The following TUBA1C variants were observed in gnomAD, a reference collection of about 807,000 sequenced individuals.
TUBA1C encodes the protein tubulin alpha 1c.
In TUBA1C, 16 loss-of-function variants were observed where a neutral mutation model predicts 34.9. The observed-to-expected ratio is 0.46, with a 90% CI of 0.31 to 0.70. The LOEUF (loss-of-function observed/expected upper bound fraction) is 0.70, where lower values mean the gene tolerates loss of function less well. Among genes scored for constraint, TUBA1C ranks in the 30% least tolerant of loss-of-function variants. TUBA1C has a pLI of 0.05. For synonymous variants in TUBA1C, 177 were observed against 215.9 expected (o/e 0.82, Z 1.58); for missense variants, 329 against 587.3 (o/e 0.56, Z 4.55).
At chr12:49,266,180 C>T (rs572916171) in intron 1 of TUBA1C, among the ~76,000 whole-genome samples, 2 of 149,400 alleles carry the variant, frequency 1.3e-5, no homozygotes, top group Non-Finnish European at 3.0e-5. Context: ...AATCCCAGCA[C>T]TTTGGGAGGC....
chr12:49,229,367 T>C (rs1830994788), intron 1 of TUBA1C, among the ~76,000 whole-genome samples: 1 of 152,166 alleles, frequency 6.6e-6, no homozygotes, highest in South Asian at 2.1e-4. Flanking sequence ...GAGACAGGGT[T>C]TCACCATCTT....
chr12:49,258,820 A>T (rs1044401567), intron 1 of TUBA1C, among the ~76,000 whole-genome samples: 1 of 146,032 alleles, frequency 6.8e-6, no homozygotes, highest in African/African-American at 2.5e-5. Context: ...GCAATGGCAC[A>T]CTCTCGGCTC....
At chr12:49,262,447 A>AT (rs1942850912), upstream of TUBA1C, among the ~76,000 whole-genome samples, 1 of 149,358 alleles carries the variant, frequency 6.7e-6, no homozygotes, top group Non-Finnish European at 1.5e-5. Context: ...AAAAAAAAAA[A>AT]GGCTGATCAC....
chr12:49,251,964 A>G (rs981010223), intron 1 of TUBA1C, among the ~76,000 whole-genome samples: 5 of 152,152 alleles, frequency 3.3e-5, no homozygotes, highest in African/African-American at 1.2e-4. Flanking sequence ...TAAAAACTCA[A>G]CGAACTAGGA....
At chr12:49,229,784 T>A (rs900431501) in intron 1 of TUBA1C, among the ~76,000 whole-genome samples, 1 of 152,054 alleles carries the variant, frequency 6.6e-6, no homozygotes, top group Non-Finnish European at 1.5e-5. Context: ...TTTTTCTTTT[T>A]AAATTTATTT....
At chr12:49,250,392 C>T (rs1053397216) in intron 1 of TUBA1C, among the ~76,000 whole-genome samples, 6 of 151,418 alleles carry the variant, frequency 4.0e-5, no homozygotes, top group African/African-American at 1.5e-4. Context: ...GGCATGGTGG[C>T]GGGCACCTGT....
intron 1 of TUBA1C, among the ~76,000 whole-genome samples, chr12:49,230,175 C>G (rs750333113): frequency 1.3e-5 from 2 of 151,336 alleles, no homozygotes; most frequent in Non-Finnish European, 2.9e-5. Context: ...CTATTTAACT[C>G]TTACATAGCA....
upstream of TUBA1C, among the ~76,000 whole-genome samples, chr12:49,263,403 C>T (rs17123645): frequency 0.021 from 3,249 of 152,178 alleles, 115 homozygotes; most frequent in African/African-American, 0.073. Flanking sequence ...GTTTTGCTCA[C>T]AAACATATTC....
chr12:49,242,954 G>A (rs1942632300), intron 1 of TUBA1C, among the ~76,000 whole-genome samples: 1 of 151,222 alleles, frequency 6.6e-6, no homozygotes, highest in African/African-American at 2.4e-5. Flanking sequence ...ACAGGCGCAT[G>A]CACCACCACA....
intron 2 of TUBA1C, 41 bp from the exon 3 acceptor site, chr12:49,269,787 G>A (rs373715461): frequency 3.8e-5 from 61 of 1,610,778 alleles, no homozygotes; most frequent in Non-Finnish European, 4.5e-5. Flanking sequence ...CTCCCTCCCC[G>A]CTCCTTGTCC....
At chr12:49,265,899 A>G (rs957470354) in intron 1 of TUBA1C, among the ~76,000 whole-genome samples, 1 of 151,238 alleles carries the variant, frequency 6.6e-6, no homozygotes, top group African/African-American at 2.4e-5. Flanking sequence ...TCACGCCTGT[A>G]ATCCCAGCAC....
intron 1 of TUBA1C, among the ~76,000 whole-genome samples, chr12:49,254,236 G>A (rs371011301): frequency 1.3e-5 from 2 of 152,112 alleles, no homozygotes; most frequent in Non-Finnish European, 2.9e-5. Context: ...GCTTGAACCC[G>A]GGAGCTGGAG....
chr12:49,255,461 C>T (rs1942774408), intron 1 of TUBA1C, among the ~76,000 whole-genome samples: 1 of 150,742 alleles, frequency 6.6e-6, no homozygotes, highest in African/African-American at 2.4e-5. Context: ...CTATGTTGCT[C>T]AGGCTGGTCT....
upstream of TUBA1C, among the ~76,000 whole-genome samples, chr12:49,264,205 A>ACGAGACTC: frequency 6.7e-6 from 1 of 149,476 alleles, no homozygotes. Context: ...GGGTGACAGA[A>ACGAGACTC]CGAGACTCCG....
Position 49,269,832 on chromosome 12 carries a change from A to G in TUBA1C, c.231A>G (p.Glu77=), listed in dbSNP as rs769008405. The part of the protein sequence containing the change: ...FVDLEPTVID[E]VRTGTYRQLF... The stretch of plus-strand genomic sequence containing the variant: ...CTCCCCCATCATGTTCTCCAGATGA[A>G]GTTCGCACTGGCACTTACCGCCAGC... The change falls in exon 3 of 4, where the codon GAA becomes GAG. Residue 77 remains glutamate (E), a synonymous_variant. Transcript: ENST00000301072. 3.1e-6 allele frequency: 5 copies of G among 1,612,326 alleles called. No homozygotes were observed. In the East Asian group the frequency reaches 8.9e-5, roughly 29 times the overall value.
At chr12:49,254,484 C>CAAAA (rs764051406) in intron 1 of TUBA1C, among the ~76,000 whole-genome samples, 78 of 29,668 alleles carry the variant, frequency 2.6e-3, no homozygotes, top group Non-Finnish European at 3.1e-3. Context: ...TCCATCTAAA[C>CAAAA]AAAAAAAAAA....
intron 1 of TUBA1C, among the ~76,000 whole-genome samples, chr12:49,239,620 G>A (rs556110537): frequency 1.3e-4 from 19 of 150,266 alleles, no homozygotes; most frequent in South Asian, 2.1e-4. Flanking sequence ...CATCCTGGGC[G>A]ACAGAGTAAG....
intron 1 of TUBA1C, among the ~76,000 whole-genome samples, chr12:49,239,244 G>C (rs1463254056): frequency 2.6e-5 from 4 of 152,162 alleles, no homozygotes. Context: ...AAAAGATATT[G>C]CTCTAGTCAC....
At chr12:49,253,175 C>A (rs758723619) in intron 1 of TUBA1C, among the ~76,000 whole-genome samples, 10 of 151,696 alleles carry the variant, frequency 6.6e-5, no homozygotes, top group Non-Finnish European at 1.5e-4. Flanking sequence ...CAATATAAAC[C>A]CGCTGGAGGT....
Sources: allele counts gnomAD v4.1 joint callset (sites outside exome capture counted in the v4.1 genomes callset), GRCh38; gene constraint gnomAD v4.1.1; transcripts MANE v1.5; gene names NCBI Gene and HGNC (gene_info 2026-07-23, HGNC 2026-07-21).